Variants in COL25A1 observed in about 807,000 individuals in gnomAD.
COL25A1 encodes the protein collagen alpha-1(XXV) chain.
In COL25A1, 103 loss-of-function variants were observed where a neutral mutation model predicts 128.4. The observed-to-expected ratio is 0.80, with a 90% CI of 0.68 to 0.94. The LOEUF (loss-of-function observed/expected upper bound fraction) is 0.94, where lower values mean the gene tolerates loss of function less well. COL25A1 is among the 40% of genes least tolerant of loss of function. The pLI, the probability that COL25A1 is intolerant of heterozygous loss-of-function variation, is 0.00. For synonymous variants in COL25A1, 279 were observed against 277.2 expected, an observed-to-expected ratio of 1.01 and a Z score of -0.06; for missense variants, 745 against 840.0, an observed-to-expected ratio of 0.89 and a Z score of 1.40.
At chr4:109,279,851 T>C (rs1010130816) in intron 3 of COL25A1, among the ~76,000 whole-genome samples, 4 of 152,286 alleles carry the variant, frequency 2.6e-5, no homozygotes, top group African/African-American at 9.6e-5. Flanking sequence ...CTTTCCTATC[T>C]TACATTTGTT....
intron 6 of COL25A1, among the ~76,000 whole-genome samples, chr4:108,997,120 T>C (rs1579027443): frequency 6.6e-6 from 1 of 151,966 alleles, no homozygotes; most frequent in African/African-American, 2.4e-5. Flanking sequence ...AAGAAATAAC[T>C]AAGATCAGAG....
chr4:108,982,085 T>G (rs1753032051), intron 6 of COL25A1, among the ~76,000 whole-genome samples: 1 of 152,028 alleles, frequency 6.6e-6, no homozygotes, highest in Non-Finnish European at 1.5e-5. Flanking sequence ...TCCCAGCTAC[T>G]CAGGAGGCTG....
At chr4:108,909,367 T>TAC (rs1743933971) in intron 13 of COL25A1, among the ~76,000 whole-genome samples, 1 of 152,226 alleles carries the variant, frequency 6.6e-6, no homozygotes, top group African/African-American at 2.4e-5. Flanking sequence ...AGGAACTTAA[T>TAC]ACAAATACCC....
At chr4:108,849,177 T>C (rs1282220011) in intron 26 of COL25A1, among the ~76,000 whole-genome samples, 1 of 152,158 alleles carries the variant, frequency 6.6e-6, no homozygotes, top group Non-Finnish European at 1.5e-5. Flanking sequence ...CTCTGTATGA[T>C]TTCTCTCACT....
At chr4:108,857,050 A>C (rs1736609859) in intron 24 of COL25A1, among the ~76,000 whole-genome samples, 1 of 152,090 alleles carries the variant, frequency 6.6e-6, no homozygotes, top group Non-Finnish European at 1.5e-5. Context: ...AGCTTGCCTC[A>C]TGCCAGGCCC....
intron 3 of COL25A1, among the ~76,000 whole-genome samples, chr4:109,089,310 A>G (rs764745358): frequency 6.6e-6 from 1 of 152,208 alleles, no homozygotes; most frequent in Non-Finnish European, 1.5e-5. Flanking sequence ...GGTCAGTTCA[A>G]TCTCTCATCT....
Sources: gnomAD v4.1 joint callset for allele counts (sites outside exome capture counted in the v4.1 genomes callset) on GRCh38, gnomAD v4.1.1 for gene constraint, MANE v1.5 for transcripts, NCBI Gene and HGNC (gene_info 2026-07-23, HGNC 2026-07-21) for gene names.